Variants in LRRTM4 observed in about 807,000 individuals in gnomAD.
LRRTM4 encodes the protein leucine-rich repeat transmembrane neuronal protein 4.
Under a neutral mutation model 47.6 loss-of-function variants are expected in LRRTM4, and 25 were observed. That is an observed-to-expected ratio of 0.53 (90% CI 0.38 to 0.73). LRRTM4 has a LOEUF of 0.73. LRRTM4 is among the 30% of genes least tolerant of loss of function. The pLI is 0.00. For missense variants in LRRTM4, 638 were observed against 713.4 expected (o/e 0.89, Z 1.20); for synonymous variants, 311 against 269.5 (o/e 1.15, Z -1.51).
At chr2:76,882,346 T>C (rs1277239010) in intron 3 of LRRTM4, among the ~76,000 whole-genome samples, 3 of 152,022 alleles carry the variant, frequency 2.0e-5, no homozygotes, top group South Asian at 2.1e-4. Flanking sequence ...CAAAGTGATA[T>C]GGAGAAAATG....
intron 3 of LRRTM4, among the ~76,000 whole-genome samples, chr2:77,320,842 C>G (rs1179343217): frequency 2.6e-5 from 4 of 151,804 alleles, no homozygotes; most frequent in Non-Finnish European, 5.9e-5. Context: ...AGTTATATTA[C>G]TCCAACTATA....
intron 3 of LRRTM4, among the ~76,000 whole-genome samples, chr2:76,963,638 T>C (rs1262844566): frequency 4.6e-5 from 7 of 150,872 alleles, no homozygotes. Context: ...TAAGGGGAAA[T>C]TTAGCTTTAT....
intron 3 of LRRTM4, among the ~76,000 whole-genome samples, chr2:76,950,466 T>C (rs999612471): frequency 3.9e-5 from 6 of 151,964 alleles, no homozygotes; most frequent in Non-Finnish European, 8.8e-5. Flanking sequence ...AAGGGAGTTA[T>C]TTAAGAAAAT....
intron 3 of LRRTM4, among the ~76,000 whole-genome samples, chr2:77,445,543 G>C (rs562023997): frequency 1.3e-5 from 2 of 151,904 alleles, no homozygotes; most frequent in African/African-American, 4.8e-5. Context: ...GAGTCTCTCT[G>C]TAACATGGGG....
chr2:77,291,956 G>A (rs1676835636), intron 3 of LRRTM4, among the ~76,000 whole-genome samples: 2 of 151,456 alleles, frequency 1.3e-5, no homozygotes. Context: ...TCTGACAAAG[G>A]GCTAATATCC....
intron 3 of LRRTM4, among the ~76,000 whole-genome samples, chr2:77,505,949 G>A (rs895240089): frequency 1.3e-5 from 2 of 151,434 alleles, no homozygotes; most frequent in African/African-American, 2.4e-5. Context: ...GTGTGTTCAG[G>A]GAAGAGAGAG....
chr2:76,768,844 C>T (rs949267989), intron 3 of LRRTM4, among the ~76,000 whole-genome samples: 16 of 152,106 alleles, frequency 1.1e-4, no homozygotes, highest in African/African-American at 3.4e-4. Flanking sequence ...GTAAATATTT[C>T]TGAATGATTT....
intron 3 of LRRTM4, among the ~76,000 whole-genome samples, chr2:76,888,012 G>C (rs910360946): frequency 6.7e-6 from 1 of 150,218 alleles, no homozygotes; most frequent in East Asian, 2.0e-4. Context: ...TAAATGGTGT[G>C]TCCATCTCTG....
chr2:77,412,568 C>T (rs904365003), intron 3 of LRRTM4, among the ~76,000 whole-genome samples: 3 of 152,168 alleles, frequency 2.0e-5, no homozygotes, highest in Non-Finnish European at 4.4e-5. Flanking sequence ...GGAATCATGT[C>T]TGTCTGTAAC....
intron 3 of LRRTM4, among the ~76,000 whole-genome samples, chr2:77,436,713 A>G (rs1407947409): frequency 6.6e-6 from 1 of 151,880 alleles, no homozygotes; most frequent in African/African-American, 2.4e-5. Context: ...GTAAAGACAT[A>G]ACCAATACAT....
At chr2:76,856,397 G>A (rs1672152015) in intron 3 of LRRTM4, among the ~76,000 whole-genome samples, 1 of 152,060 alleles carries the variant, frequency 6.6e-6, no homozygotes, top group African/African-American at 2.4e-5. Context: ...TGGTTGAAGT[G>A]CCTGTTAAGA....
At chr2:77,005,502 G>C (rs989263858) in intron 3 of LRRTM4, among the ~76,000 whole-genome samples, 1 of 152,072 alleles carries the variant, frequency 6.6e-6, no homozygotes, top group Non-Finnish European at 1.5e-5. Flanking sequence ...GCAATGATAC[G>C]GTTTGGCTCC....
At chr2:77,044,640 C>T (rs957813305) in intron 3 of LRRTM4, among the ~76,000 whole-genome samples, 1 of 150,096 alleles carries the variant, frequency 6.7e-6, no homozygotes, top group African/African-American at 2.5e-5. Flanking sequence ...TATATATATA[C>T]ACACAAACAT....
chr2:77,010,994 T>G (rs115556405), intron 3 of LRRTM4, among the ~76,000 whole-genome samples: 1,883 of 152,182 alleles, frequency 0.012, 40 homozygotes, highest in African/African-American at 0.043. Context: ...TTCATCCATA[T>G]AGGAGACAGG....
At chr2:76,812,063 A>C (rs1161424900) in intron 3 of LRRTM4, among the ~76,000 whole-genome samples, 1 of 152,306 alleles carries the variant, frequency 6.6e-6, no homozygotes, top group South Asian at 2.1e-4. Flanking sequence ...ACATTAAAAT[A>C]ACTTATACTC....
intron 3 of LRRTM4, among the ~76,000 whole-genome samples, chr2:77,043,680 G>C (rs1162385173): frequency 6.6e-6 from 1 of 151,752 alleles, no homozygotes; most frequent in African/African-American, 2.4e-5. Context: ...TAAATGTGCA[G>C]ATTACAGCCA....
chr2:77,382,620 G>C (rs1313472520), intron 3 of LRRTM4, among the ~76,000 whole-genome samples: 2 of 152,054 alleles, frequency 1.3e-5, no homozygotes, highest in Non-Finnish European at 2.9e-5. Flanking sequence ...GCTTCATGAA[G>C]TATGCAAAAA....
chr2:77,464,570 T>G (rs535437746), intron 3 of LRRTM4, among the ~76,000 whole-genome samples: 1 of 152,228 alleles, frequency 6.6e-6, no homozygotes, highest in Non-Finnish European at 1.5e-5. Context: ...CAGCCCATCT[T>G]AATTTGGGCT....
chr2:77,508,468 G>C (rs1296941956), intron 3 of LRRTM4, among the ~76,000 whole-genome samples: 1 of 152,066 alleles, frequency 6.6e-6, no homozygotes, highest in Non-Finnish European at 1.5e-5. Flanking sequence ...TCAACCACTG[G>C]CCAAATCCCC....
Sources: allele counts gnomAD v4.1 joint callset (sites outside exome capture counted in the v4.1 genomes callset), GRCh38; gene constraint gnomAD v4.1.1; transcripts MANE v1.5; gene names NCBI Gene and HGNC (gene_info 2026-07-23, HGNC 2026-07-21).